ACAT1: variants seen among roughly 807,000 people sequenced by gnomAD.
ACAT1 encodes acetyl-CoA acetyltransferase, mitochondrial.
Under a neutral mutation model 47.3 loss-of-function variants are expected in ACAT1, and 28 were observed. The ratio of observed to expected loss-of-function variants is 0.59; its 90% confidence interval spans 0.44 to 0.81. The LOEUF (loss-of-function observed/expected upper bound fraction) is 0.81, where lower values mean the gene tolerates loss of function less well. ACAT1 is among the 30% of genes least tolerant of loss of function. ACAT1 has a pLI of 0.00. For missense variants in ACAT1, 469 were observed against 524.3 expected (o/e 0.89, Z 1.03); for synonymous variants, 181 against 173.6 (o/e 1.04, Z -0.34).
At chr11:108,135,287 A>G in intron 5 of ACAT1, 45 bp downstream of exon 5, 1 of 1,399,886 alleles carries the variant, frequency 7.1e-7, no homozygotes, top group Non-Finnish European at 1.0e-6. Flanking sequence ...AGTAATACCT[A>G]GGGCTAAAAG....
intron 8 of ACAT1, 142 bp downstream of exon 8, chr11:108,141,842 A>G: frequency 1.5e-6 from 1 of 666,110 alleles, no homozygotes; most frequent in Non-Finnish European, 2.6e-6. Flanking sequence ...CTCATGTAAA[A>G]TTGTTTTGGT....
At chr11:108,131,353 A>G (rs1301694287) in intron 1 of ACAT1, among the ~76,000 whole-genome samples, 3 of 10,036 alleles carry the variant, frequency 3.0e-4, no homozygotes, top group Non-Finnish European at 8.3e-4. Context: ...AAAGACTTGG[A>G]ATTTTTTTTT....
At chr11:108,120,385 G>C (rs2077126698), upstream of ACAT1, among the ~76,000 whole-genome samples, 2 of 151,920 alleles carry the variant, frequency 1.3e-5, no homozygotes, top group Admixed American at 1.3e-4. Context: ...TGTAGTCCTA[G>C]CTACGTAGCT....
rs760991373 is a variant in ACAT1, at chr11:108,143,970, T to G, written c.941-13T>G. The stretch of plus-strand genomic sequence containing the variant: ...AAGATTTTAACAACCCCCCCCCCCC[T>G]TTTTTTAAACAGCATTTGCTGACGC... On this transcript the variant is annotated splice_polypyrimidine_tract_variant and intron_variant, in intron 9 of 11. Coordinates refer to ENST00000265838, the MANE Select transcript of ACAT1 (RefSeq NM_000019.4). 7 of 659,172 alleles carry G rather than the reference T, an allele frequency of 1.1e-5. No homozygotes were observed. The highest frequency in any genetic ancestry group is 1.8e-5 in the Non-Finnish European group (7 of 399,238). 40.8% of individuals were successfully genotyped at this position (659,172 alleles called of 1,614,324 possible).
In ACAT1 at chr11:108,134,311, G is replaced by C. The variant is rs982230905; in HGVS notation, c.329G>C (p.Gly110Ala). The stretch of plus-strand genomic sequence containing the variant: ...GCTCCTACAAGGCAGGCAGTATTGG[G>C]TGCAGGTACCTGGAAGACTTTTTTG... ...GQAPTRQAVL[G>A]AGLPISTPCT... Residue 110 changes from glycine (G) to alanine (A), a missense_variant, in exon 4 of 12, where the codon GGT (glycine) becomes GCT (alanine). By Grantham distance (60) the Gly-to-Ala change is moderately conservative (BLOSUM62 0). Transcript: ENST00000265838. 1 of 1,612,994 alleles carries C rather than the reference G, an allele frequency of 6.2e-7. No individual in the cohort carries two copies. Among genetic ancestry groups the C allele is most frequent in the Non-Finnish European group, 8.5e-7 (1 of 1,179,364 alleles).
chr11:108,138,633 G>A (rs1249902328), intron 5 of ACAT1: 2 of 425,824 alleles, frequency 4.7e-6, no homozygotes, highest in Non-Finnish European at 8.8e-6. Context: ...CTGACCTCAA[G>A]TGATCCACCT....
intron 1 of ACAT1, chr11:108,128,806 C>G (rs2077297874): frequency 1.3e-5 from 2 of 152,118 alleles, no homozygotes; most frequent in South Asian, 4.1e-4. Context: ...TTCCATTAAA[C>G]TGGACCAGAA....
In ACAT1 at chr11:108,135,175, A is replaced by T; in HGVS notation, c.368A>T (p.Asn123Ile). The T allele has an allele frequency of 6.2e-7, 1 of 1,613,932 alleles. No homozygotes were observed. The highest frequency in any genetic ancestry group is 8.5e-7 in the Non-Finnish European group (1 of 1,179,902). The change falls in exon 5 of 12, where the codon AAC becomes ATC. Residue 123 changes from asparagine to isoleucine, a missense_variant. Physicochemically the swap from Asn to Ile is moderately radical, Grantham distance 149. Transcript: ENST00000265838. ...ATTTCTACTCCATGTACCACCATAAACAAAGTTTGTGCTTCAGGAATGAAA... is the reference window on the plus strand; with the variant it reads ...ATTTCTACTCCATGTACCACCATAATCAAAGTTTGTGCTTCAGGAATGAAA... ...LPISTPCTTI[N>I]KVCASGMKAI...
At chr11:108,124,564 C>A (rs1044641443) in intron 1 of ACAT1, among the ~76,000 whole-genome samples, 2 of 152,152 alleles carry the variant, frequency 1.3e-5, no homozygotes, top group Admixed American at 6.6e-5. Context: ...AGGTGTGAGC[C>A]ACCACACCTG....
chr11:108,132,296 A>T (rs531462432), intron 2 of ACAT1, among the ~76,000 whole-genome samples: 46 of 152,252 alleles, frequency 3.0e-4, no homozygotes, highest in Non-Finnish European at 5.4e-4. Flanking sequence ...GGAGTGGACC[A>T]GTTGGGAATT....
At chr11:108,117,447 A>C (rs1459211993), upstream of ACAT1, among the ~76,000 whole-genome samples, 1 of 151,760 alleles carries the variant, frequency 6.6e-6, no homozygotes, top group African/African-American at 2.4e-5. Flanking sequence ...AGCTGGGCTT[A>C]CAGAAGCCCA....
At chr11:108,127,432 TTTTG>T (rs1248576891) in intron 1 of ACAT1, among the ~76,000 whole-genome samples, 1 of 151,802 alleles carries the variant, frequency 6.6e-6, no homozygotes, top group African/African-American at 2.4e-5. Context: ...GCCTGGCTAA[TTTTG>T]TTTTTGTATT....
intron 9 of ACAT1, chr11:108,143,626 C>T (rs923588110): frequency 4.3e-5 from 7 of 161,920 alleles, no homozygotes; most frequent in African/African-American, 1.7e-4. Context: ...GCACTATTGA[C>T]TTTTGCACTA....
chr11:108,130,277 G>A (rs1384467867), intron 1 of ACAT1, among the ~76,000 whole-genome samples: 1 of 152,140 alleles, frequency 6.6e-6, no homozygotes, highest in Non-Finnish European at 1.5e-5. Flanking sequence ...AGGCAGGGGA[G>A]TCACCTTGTA....
chr11:108,119,963 C>T (rs535458450), upstream of ACAT1, among the ~76,000 whole-genome samples: 10 of 152,270 alleles, frequency 6.6e-5, no homozygotes, highest in East Asian at 1.9e-3. Context: ...CGCCTGTAAT[C>T]CCAGTACTTT....
Position 108,135,133 on chromosome 11 carries a change from T to G in ACAT1, c.335-9T>G. 6.2e-7 allele frequency: 1 copy of G among 1,602,242 alleles called. No homozygotes were observed. ...TCGGTTTTTCAAAAGTGACTTATAT[T>G]GGTTTTAGGCTTACCTATTTCTACT... On this transcript the variant is annotated splice_polypyrimidine_tract_variant and intron_variant, in intron 4 of 11. Transcript: ENST00000265838.
rs375119115 is a variant in ACAT1 at position 108,144,027 on chromosome 11, C to A, written c.985C>A (p.Pro329Thr). Residue 329 changes from proline to threonine, a missense_variant, in exon 10 of 12, where the codon CCT (proline) becomes ACT (threonine). Physicochemically the swap from Pro to Thr is conservative, Grantham distance 38. Transcript: ENST00000265838. ...AGAACCTATTGATTTTCCAATTGCTCCTGTATATGCTGCATCTATGGTGAG... is the reference window on the plus strand; with the variant it reads ...AGAACCTATTGATTTTCCAATTGCTACTGTATATGCTGCATCTATGGTGAG... ...AVEPIDFPIA[P>T]VYAASMVLKD... 13 of 1,372,070 alleles carry A rather than the reference C, an allele frequency of 9.5e-6. No homozygotes were observed. The highest frequency in any genetic ancestry group is 1.3e-5 in the Non-Finnish European group (13 of 1,028,092). The allele number at this position is 1,372,070 out of a possible 1,614,324, so 85.0% of individuals were successfully genotyped here.
Position 108,141,631 on chromosome 11 carries a change from G to T in ACAT1, c.757G>T (p.Asp253Tyr). The change falls in exon 8 of 12, where the codon GAT (aspartate) becomes TAT (tyrosine). Residue 253 changes from aspartate (D) to tyrosine (Y), a missense_variant. Physicochemically the swap from Asp to Tyr is radical, Grantham distance 160 (BLOSUM62 -3). Coordinates refer to ENST00000265838, the MANE Select transcript of ACAT1 (RefSeq NM_000019.4). ...KGQPDVVVKE[D>Y]EEYKRVDFSK... ...TCAACCAGATGTAGTGGTGAAAGAA[G>T]ATGAAGAATATAAACGTGTTGATTT... The T allele has an allele frequency of 6.2e-7, 1 of 1,613,260 alleles. No individual in the cohort carries two copies. The highest frequency in any genetic ancestry group is 8.5e-7 in the Non-Finnish European group (1 of 1,179,732).
chr11:108,121,015 A>G (rs2077138789), upstream of ACAT1, among the ~76,000 whole-genome samples: 1 of 152,176 alleles, frequency 6.6e-6, no homozygotes, highest in South Asian at 2.1e-4. Flanking sequence ...AGTCTGGCCA[A>G]CATGGTGAAA....
Sources: allele counts gnomAD v4.1 joint callset (sites outside exome capture counted in the v4.1 genomes callset), GRCh38; gene constraint gnomAD v4.1.1; transcripts MANE v1.5; gene names NCBI Gene and HGNC (gene_info 2026-07-23, HGNC 2026-07-21).